MINK1: variants seen among roughly 807,000 people sequenced by gnomAD.
MINK1 encodes the protein misshapen-like kinase 1.
In MINK1, 46 loss-of-function variants were observed where a neutral mutation model predicts 178.4. The ratio of observed to expected loss-of-function variants is 0.26; its 90% CI spans 0.20 to 0.33. The LOEUF is 0.33. MINK1 is among the 10% of genes least tolerant of loss of function. The probability of loss-of-function intolerance (pLI) is 1.00; values close to 1 mark genes in which losing one functional copy is unlikely to be tolerated. For synonymous variants in MINK1, 797 were observed against 709.7 expected (o/e 1.12, Z -1.96); for missense variants, 1,366 against 1,814.9 (o/e 0.75, Z 4.49).
intron 1 of MINK1, chr17:4,871,218 A>AC (rs964171736): frequency 1.2e-5 from 2 of 163,024 alleles, no homozygotes; most frequent in African/African-American, 5.8e-5. Context: ...GCAGGGTCTC[A>AC]CTCACTCTGT....
rs1338292625 is a variant in MINK1 at position 4,892,389 on chromosome 17, G to A, written c.2088-13G>A. 1 of 1,535,478 alleles carries A rather than the reference G, an allele frequency of 6.5e-7. No individual in the cohort carries two copies. Among genetic ancestry groups the A allele is most frequent in the Non-Finnish European group, 8.8e-7 (1 of 1,137,114 alleles). The stretch of plus-strand genomic sequence containing the variant: ...CCCGCCGCCCCCTCGGCACCCCTGT[G>A]CTCCCTTCACAGACCTCGCAGCAAC... On this transcript the variant is annotated splice_polypyrimidine_tract_variant and intron_variant, in intron 17 of 31. Coordinates refer to ENST00000355280, the MANE Select transcript of MINK1 (RefSeq NM_153827.5).
rs1967551516 is a variant in MINK1, at chr17:4,880,051, C to G, written c.124-933C>G. 1.3e-5 allele frequency among the ~76,000 whole-genome samples: 2 copies of G among 152,178 alleles called. 1 individual carries two copies. The highest frequency in any genetic ancestry group is 4.1e-4 in the South Asian group (2 of 4,830). On this transcript the variant is annotated intron_variant, in intron 2 of 31. Transcript: ENST00000355280. ...GGAGAAGTATCTTTCACGCCCTGCT[C>G]TAACTTTCAGACTGTAGAAAGTCCA... is the stretch of plus-strand genomic sequence containing the variant.
chr17:4,889,689 G>A lies in MINK1; in HGVS notation c.1273G>A (p.Glu425Lys). 6.4e-7 allele frequency: 1 copy of A among 1,561,790 alleles called. No individual in the cohort carries two copies. The highest frequency in any genetic ancestry group is 8.7e-7 in the Non-Finnish European group (1 of 1,155,206). Residue 425 changes from glutamate (E) to lysine (K), a missense_variant, in exon 13 of 32, where the codon GAG becomes AAG. Glu to Lys is a moderately conservative substitution (Grantham distance 56, BLOSUM62 1). Around this residue, in one of 14 missense-constraint regions of MINK1, gnomAD observed 87 missense variants for 78.9 expected, o/e 1.10. Transcript: ENST00000355280. ...GGAGCAGCGGAAGCTGCAGGAGAAG[G>A]AGCAGCAGCGGCGGCTGGAGGACAT... ...EREQRKLQEK[E>K]QQRRLEDMQA...
At position 4,887,486 on chromosome 17, in the gene MINK1, C is replaced by T. The variant is rs1387490159; in HGVS notation, c.1020-94C>T. ...GTGGCCAGAGGCAGAGGCTTTGATCCAGTTAAAGCACCCACTCAGGCGGGC... is the reference window on the plus strand; with the variant it reads ...GTGGCCAGAGGCAGAGGCTTTGATCTAGTTAAAGCACCCACTCAGGCGGGC... On this transcript the variant is annotated intron_variant, in intron 11 of 31. Coordinates refer to ENST00000355280, the MANE Select transcript of MINK1 (RefSeq NM_153827.5). This position sits in a 1 kb window ranked among gnomAD's most constrained non-coding sequence, Gnocchi z 7.6. 2.0e-5 allele frequency: 24 copies of T among 1,194,278 alleles called. No homozygotes were observed. Among genetic ancestry groups the T allele is most frequent in the Non-Finnish European group, 2.8e-5 (24 of 867,638 alleles). The allele number at this position is 1,194,278 out of a possible 1,614,324, so 74.0% of individuals were successfully genotyped here.
intron 1 of MINK1, among the ~76,000 whole-genome samples, chr17:4,873,518 A>G (rs1966891036): frequency 6.7e-6 from 1 of 149,254 alleles, no homozygotes; most frequent in East Asian, 2.0e-4. Flanking sequence ...GCATGACAAT[A>G]GAATGTACCT....
intron 1 of MINK1, among the ~76,000 whole-genome samples, chr17:4,871,367 T>G (rs1915841157): frequency 6.6e-6 from 1 of 151,840 alleles, no homozygotes; most frequent in Admixed American, 6.6e-5. Flanking sequence ...ATTTTTTAAA[T>G]TTTTTGTAGA....
intron 4 of MINK1, 50 bp downstream of exon 4, chr17:4,881,307 G>C (rs543245888): frequency 6.6e-7 from 1 of 1,525,342 alleles, no homozygotes. Context: ...CCCTGTCTCC[G>C]GGCTGTTCAC....
At position 4,896,478 on chromosome 17, in the gene MINK1, A is replaced by T; in HGVS notation, c.3665A>T (p.Asp1222Val). 1 of 1,613,736 alleles carries T rather than the reference A, an allele frequency of 6.2e-7. No homozygotes were observed. The highest frequency in any genetic ancestry group is 8.5e-7 in the Non-Finnish European group (1 of 1,179,806). Residue 1222 changes from aspartate (D) to valine (V), a missense_variant, in exon 30 of 32, where the codon GAC (aspartate) becomes GTC (valine). Coordinates refer to ENST00000355280, the MANE Select transcript of MINK1 (RefSeq NM_153827.5). The surrounding 1 kb of genome is among the most constrained non-coding windows in gnomAD (Gnocchi z 4.6). ...GCCATCATCTTCCTCCCCAACACCG[A>T]CGGCATGGAGATGCTGCTGTGCTAC... is the stretch of plus-strand genomic sequence containing the variant. ...PHAIIFLPNT[D>V]GMEMLLCYED...
At chr17:4,842,360 T>A (rs1597376924) in intron 1 of MINK1, among the ~76,000 whole-genome samples, 1 of 152,256 alleles carries the variant, frequency 6.6e-6, no homozygotes, top group South Asian at 2.1e-4. Flanking sequence ...GTACCTCTCA[T>A]GAACTTGTTA....
chr17:4,862,234 C>G (rs1317898913), intron 1 of MINK1, among the ~76,000 whole-genome samples: 1 of 152,186 alleles, frequency 6.6e-6, no homozygotes, highest in African/African-American at 2.4e-5. Flanking sequence ...CATTCAAACC[C>G]TGGCTCTGCC....
At chr17:4,834,880 C>T (rs1320608929) in intron 1 of MINK1, 1 of 519,954 alleles carries the variant, frequency 1.9e-6, no homozygotes, top group Non-Finnish European at 3.8e-6. Context: ...ACACAGGTGC[C>T]CCGGATATGG....
intron 1 of MINK1, among the ~76,000 whole-genome samples, chr17:4,842,074 A>T (rs2150751566): frequency 6.6e-6 from 1 of 152,180 alleles, no homozygotes; most frequent in East Asian, 1.9e-4. Context: ...ACAAAAAAAA[A>T]TTAGCCGGGC....
intron 3 of MINK1, 40 bp downstream of exon 3, chr17:4,881,080 G>C: frequency 6.5e-7 from 1 of 1,536,082 alleles, no homozygotes; most frequent in Non-Finnish European, 8.7e-7. Context: ...TCGGACCAGC[G>C]AGAAGGGAGT....
intron 1 of MINK1, among the ~76,000 whole-genome samples, chr17:4,856,235 C>T (rs781652821): frequency 1.3e-5 from 2 of 152,124 alleles, no homozygotes; most frequent in South Asian, 2.1e-4. Context: ...TAAATGGAGA[C>T]TTCTTCAGGC....
intron 1 of MINK1, among the ~76,000 whole-genome samples, chr17:4,847,650 T>C (rs1434696866): frequency 6.6e-6 from 1 of 152,228 alleles, no homozygotes; most frequent in Non-Finnish European, 1.5e-5. Flanking sequence ...AAATGTGTAA[T>C]TTACAGTGTT....
chr17:4,866,087 A>G (rs1914912823), intron 1 of MINK1, among the ~76,000 whole-genome samples: 1 of 152,212 alleles, frequency 6.6e-6, no homozygotes, highest in Non-Finnish European at 1.5e-5. Flanking sequence ...CCAGCCTAGC[A>G]CAGTTTCTGG....
intron 1 of MINK1, among the ~76,000 whole-genome samples, chr17:4,850,177 C>T (rs1248008632): frequency 6.6e-6 from 1 of 152,058 alleles, no homozygotes; most frequent in African/African-American, 2.4e-5. Context: ...TTCAACGCCA[C>T]GTTGTAGTAT....
chr17:4,834,342 TTC>T (rs146210646), intron 1 of MINK1, among the ~76,000 whole-genome samples: 11,050 of 152,210 alleles, frequency 0.073, 430 homozygotes, highest in Non-Finnish European at 0.093. Context: ...GAGGCATTTC[TTC>T]TCTTTGGAAA....
intron 1 of MINK1, among the ~76,000 whole-genome samples, chr17:4,856,367 T>C (rs1913140064): frequency 6.6e-6 from 1 of 152,032 alleles, no homozygotes; most frequent in Non-Finnish European, 1.5e-5. Flanking sequence ...TATCAGACTT[T>C]TCCTGCCACT....
Sources: gnomAD v4.1 joint callset for allele counts (sites outside exome capture counted in the v4.1 genomes callset) on GRCh38, gnomAD v4.1.1 for gene constraint, gnomAD v4.1.1 regional missense constraint, Gnocchi (gnomAD v3.1) non-coding constraint, MANE v1.5 for transcripts, NCBI Gene and HGNC (gene_info 2026-07-23, HGNC 2026-07-21) for gene names.